The following CHN2 variants were observed in gnomAD, a reference collection of about 807,000 sequenced individuals.
The protein encoded by CHN2 is beta-chimaerin.
Under a neutral mutation model 56.3 loss-of-function variants are expected in CHN2, and 35 were observed. That is an observed-to-expected ratio of 0.62 (90% CI 0.47 to 0.82). The LOEUF (loss-of-function observed/expected upper bound fraction) is 0.82, where lower values mean the gene tolerates loss of function less well. Ranked by LOEUF, CHN2 falls within the 40% of genes least tolerant of loss-of-function variation. The probability of loss-of-function intolerance (pLI) is 0.00; values close to 1 mark genes in which losing one functional copy is unlikely to be tolerated. For missense variants in CHN2, 491 were observed against 580.5 expected (o/e 0.85, Z 1.58); for synonymous variants, 210 against 212.8 (o/e 0.99, Z 0.12).
intron 1 of CHN2, among the ~76,000 whole-genome samples, chr7:29,286,842 C>G (rs1248160233): frequency 1.3e-5 from 2 of 152,136 alleles, no homozygotes; most frequent in Non-Finnish European, 2.9e-5. Flanking sequence ...CTCCTTTATT[C>G]ACATTCATTT....
At position 29,468,669 on chromosome 7, in the gene CHN2, A is replaced by G. The variant is rs573847171; in HGVS notation, c.577-11610A>G. On this transcript the variant is annotated intron_variant, in intron 6 of 12. Transcript: ENST00000222792. Reference sequence around the variant, plus strand: ...TCTCTGATCCAAGTGCTCTTCTCCCATTCTTAAAACACGTGCAATCAGATT... The same window carrying G: ...TCTCTGATCCAAGTGCTCTTCTCCCGTTCTTAAAACACGTGCAATCAGATT... Among the ~76,000 whole-genome samples, 39 of 152,180 alleles carry G rather than the reference A, an allele frequency of 2.6e-4. No homozygotes were observed. In the South Asian group the frequency reaches 4.2e-3, roughly 16 times the overall value.
chr7:29,325,444 T>A (rs1795724421), intron 1 of CHN2, among the ~76,000 whole-genome samples: 1 of 152,234 alleles, frequency 6.6e-6, no homozygotes, highest in South Asian at 2.1e-4. Context: ...GGAAAAGGAA[T>A]TGAGCGCTCT....
intron 3 of CHN2, among the ~76,000 whole-genome samples, chr7:29,378,944 A>T (rs1800280340): frequency 6.6e-6 from 1 of 152,228 alleles, no homozygotes; most frequent in Admixed American, 6.5e-5. Flanking sequence ...CAGCCTGGAG[A>T]CAGAGCGAGA....
chr7:29,206,695 T>C, intron 1 of CHN2, among the ~76,000 whole-genome samples: 1 of 152,186 alleles, frequency 6.6e-6, no homozygotes, highest in East Asian at 1.9e-4. Context: ...CACAAGCACA[T>C]TTCAGGAGTG....
chr7:29,237,018 A>G (rs180818715), intron 1 of CHN2, among the ~76,000 whole-genome samples: 1 of 152,338 alleles, frequency 6.6e-6, no homozygotes, highest in East Asian at 1.9e-4. Context: ...GGAAGAGGAC[A>G]TGGACATCTT....
Position 29,451,392 on chromosome 7 carries a change from T to A in CHN2, c.577-28887T>A, listed in dbSNP as rs1177529552. 2.6e-5 allele frequency among the ~76,000 whole-genome samples: 4 copies of A among 152,128 alleles called. No homozygotes were observed. In the East Asian group the frequency reaches 7.7e-4, roughly 29 times the overall value. On this transcript the variant is annotated intron_variant, in intron 6 of 12. Coordinates refer to ENST00000222792, the MANE Select transcript of CHN2 (RefSeq NM_004067.4). ...AGCGTGGTGCACAGACAGCTGCCTGTTTGAGAGCCATTTGTTACCAGTCCA... is the reference window on the plus strand; with the variant it reads ...AGCGTGGTGCACAGACAGCTGCCTGATTGAGAGCCATTTGTTACCAGTCCA...
chr7:29,238,569 G>T (rs1787390528), intron 1 of CHN2, among the ~76,000 whole-genome samples: 1 of 152,160 alleles, frequency 6.6e-6, no homozygotes, highest in Admixed American at 6.5e-5. Flanking sequence ...AATGTATTGA[G>T]GATTGTCTTT....
At chr7:29,303,088 G>A (rs1585009123) in intron 1 of CHN2, among the ~76,000 whole-genome samples, 1 of 152,316 alleles carries the variant, frequency 6.6e-6, no homozygotes, top group Non-Finnish European at 1.5e-5. Context: ...GCAACAGGCT[G>A]TCTATGCCTT....
chr7:29,267,298 A>C (rs1468256896), intron 1 of CHN2, among the ~76,000 whole-genome samples: 1 of 150,586 alleles, frequency 6.6e-6, no homozygotes, highest in Non-Finnish European at 1.5e-5. Flanking sequence ...GCTGGAGTGC[A>C]GTGGTGTGAT....
chr7:29,331,398 G>C (rs1405883443), intron 1 of CHN2, among the ~76,000 whole-genome samples: 1 of 152,200 alleles, frequency 6.6e-6, no homozygotes, highest in Non-Finnish European at 1.5e-5. Context: ...GGGACGGCTA[G>C]AGCCACAGAA....
chr7:29,189,548 A>G lies in CHN2; in HGVS notation c.274+42588A>G, dbSNP rs556498107. 1.5e-3 allele frequency among the ~76,000 whole-genome samples: 227 copies of G among 152,346 alleles called. 1 individual carries two copies. Among genetic ancestry groups the G allele is most frequent in the South Asian group, 3.1e-3 (15 of 4,826 alleles). ...TTCTCTTAGGACATTGAAGACAGAA[A>G]AGATGTTTGTAACCTGAAGTGTCAG... is the stretch of plus-strand genomic sequence containing the variant. On this transcript the variant is annotated intron_variant, in intron 2 of 6. Transcript: ENST00000439384.
intron 4 of CHN2, among the ~76,000 whole-genome samples, chr7:29,394,728 TC>T (rs1393499193): frequency 6.6e-6 from 1 of 152,228 alleles, no homozygotes; most frequent in Non-Finnish European, 1.5e-5. Flanking sequence ...ATTTGTTTTT[TC>T]CTTGAAGATA....
intron 1 of CHN2, among the ~76,000 whole-genome samples, chr7:29,229,518 G>A (rs245944): frequency 0.23 from 35,731 of 152,084 alleles, 4,728 homozygotes; most frequent in East Asian, 0.53. Context: ...GTGACATACC[G>A]TTCAGATTCA....
At chr7:29,481,292 A>C (rs1787197192) in intron 7 of CHN2, among the ~76,000 whole-genome samples, 1 of 152,176 alleles carries the variant, frequency 6.6e-6, no homozygotes, top group South Asian at 2.1e-4. Context: ...CTTTTAAAAA[A>C]ATTCTTGTTT....
intron 1 of CHN2, among the ~76,000 whole-genome samples, chr7:29,252,392 GT>G (rs1195535541): frequency 1.3e-5 from 2 of 150,674 alleles, no homozygotes; most frequent in East Asian, 3.9e-4. Flanking sequence ...GTTTCACCGT[GT>G]TAGCCAGGAT....
chr7:29,270,567 G>A (rs1184576754), intron 1 of CHN2, among the ~76,000 whole-genome samples: 1 of 151,674 alleles, frequency 6.6e-6, no homozygotes, highest in African/African-American at 2.4e-5. Flanking sequence ...AGGAGGTTGA[G>A]GCACGAGAAT....
Position 29,468,094 on chromosome 7 carries a change from G to T in CHN2, c.577-12185G>T, listed in dbSNP as rs999011485. Among the ~76,000 whole-genome samples the T allele has an allele frequency of 4.3e-5, 6 of 141,170 alleles. No homozygotes were observed. In the East Asian group the frequency reaches 8.9e-4, roughly 21 times the overall value. The allele number at this position is 141,170 out of a possible 152,430, so 92.6% of individuals were successfully genotyped here. On this transcript the variant is annotated intron_variant, in intron 6 of 12. Transcript: ENST00000222792. The stretch of plus-strand genomic sequence containing the variant: ...TAGGTCATATCTCAGGGGATTTTCA[G>T]CTCCAATGGGCCGCCATGACATCTT...
At chr7:29,301,858 C>T (rs1350029012) in intron 1 of CHN2, among the ~76,000 whole-genome samples, 6 of 152,144 alleles carry the variant, frequency 3.9e-5, no homozygotes, top group Non-Finnish European at 7.4e-5. Context: ...AAAAAATTTA[C>T]AGAAATCCCG....
intron 2 of CHN2, among the ~76,000 whole-genome samples, chr7:29,165,010 T>C (rs753046429): frequency 1.3e-5 from 2 of 152,090 alleles, no homozygotes. Context: ...AACTTTATTC[T>C]TTTTCAGATG....
Sources: gnomAD v4.1 joint callset for allele counts (sites outside exome capture counted in the v4.1 genomes callset) on GRCh38, gnomAD v4.1.1 for gene constraint, MANE v1.5 for transcripts, NCBI Gene and HGNC (gene_info 2026-07-23, HGNC 2026-07-21) for gene names.